MGST2: variants seen among roughly 807,000 people sequenced by gnomAD.
MGST2 encodes glutathione peroxidase MGST2.
MGST2 carries 9 observed loss-of-function variants against 16.6 expected under a neutral mutation model. The ratio of observed to expected loss-of-function variants is 0.54; its 90% CI spans 0.33 to 0.95. The LOEUF (loss-of-function observed/expected upper bound fraction) is 0.95, where lower values mean the gene tolerates loss of function less well. MGST2 is among the 40% of genes least tolerant of loss of function. The probability of loss-of-function intolerance (pLI) is 0.03; values close to 1 mark genes in which losing one functional copy is unlikely to be tolerated. For synonymous variants in MGST2, 79 were observed against 68.0 expected (o/e 1.16, Z -0.79); for missense variants, 159 against 175.1 (o/e 0.91, Z 0.52).
the MGST2 span, among the ~76,000 whole-genome samples, chr4:139,747,536 A>C: frequency 6.6e-6 from 1 of 152,028 alleles, no homozygotes; most frequent in African/African-American, 2.4e-5. Context: ...TCTACTAAAA[A>C]TACAAAAATT....
the MGST2 span, among the ~76,000 whole-genome samples, chr4:139,746,798 T>C: frequency 6.6e-6 from 1 of 152,210 alleles, no homozygotes; most frequent in Non-Finnish European, 1.5e-5. Flanking sequence ...CAAACTATGA[T>C]TATGTTTTCT....
At chr4:139,697,000 CAGTGTCCAAT>C (rs1726961980) in intron 3 of MGST2, among the ~76,000 whole-genome samples, 3 of 152,044 alleles carry the variant, frequency 2.0e-5, no homozygotes, top group Admixed American at 2.0e-4. Context: ...TGGTCAGGGA[CAGTGTCCAAT>C]ATCAAAAGAA....
chr4:139,751,955 G>A, the MGST2 span, among the ~76,000 whole-genome samples: 19 of 152,298 alleles, frequency 1.2e-4, no homozygotes, highest in African/African-American at 4.6e-4. Flanking sequence ...ATAAAAGGAA[G>A]CCTGTATTGC....
intron 5 of MGST2, among the ~76,000 whole-genome samples, chr4:139,739,671 G>A (rs57706147): frequency 0.41 from 58,317 of 141,858 alleles, 12,966 homozygotes; most frequent in Middle Eastern, 0.58. Flanking sequence ...AGGCAGGGGA[G>A]GAAAGCAGTT....
At chr4:139,734,994 G>A (rs2111004062) in intron 5 of MGST2, among the ~76,000 whole-genome samples, 1 of 152,352 alleles carries the variant, frequency 6.6e-6, no homozygotes, top group Non-Finnish European at 1.5e-5. Context: ...GTGTCAGCCC[G>A]GCCTCGTGCC....
rs1275541247 is a variant in MGST2, at chr4:139,735,652, ATGAAATTTAGGGTTTTAT to A, written c.*49-4554_*49-4537del. Among the ~76,000 whole-genome samples, 2 of 152,146 alleles carry A rather than the reference ATGAAATTTAGGGTTTTAT, an allele frequency of 1.3e-5. No individual in the cohort carries two copies. The highest frequency in any genetic ancestry group is 4.8e-5 in the African/African-American group (2 of 41,432). The stretch of plus-strand genomic sequence containing the variant: ...ATCGCTTGGCCTACGAACAACCTAA[ATGAAATTTAGGGTTTTAT>A]TGAAAAAGTCCCCTGGGGCCTAATT... On this transcript the variant is annotated intron_variant, in intron 5 of 5. Transcript: ENST00000616265. The surrounding 1 kb of genome is among the most constrained non-coding windows in gnomAD (Gnocchi z 5.8).
chr4:139,701,406 T>C (rs1234675139), intron 3 of MGST2, among the ~76,000 whole-genome samples: 1 of 152,122 alleles, frequency 6.6e-6, no homozygotes, highest in East Asian at 1.9e-4. Flanking sequence ...AGCTCTTTGC[T>C]TGGTCCGCTC....
At chr4:139,708,356 A>G (rs1474307148), downstream of MGST2, among the ~76,000 whole-genome samples, 2 of 152,224 alleles carry the variant, frequency 1.3e-5, no homozygotes, top group Non-Finnish European at 2.9e-5. Context: ...CAGGTTTATC[A>G]AAGATCAGAT....
At chr4:139,736,710 G>C (rs1350431639) in intron 5 of MGST2, among the ~76,000 whole-genome samples, 1 of 152,184 alleles carries the variant, frequency 6.6e-6, no homozygotes, top group Non-Finnish European at 1.5e-5. Flanking sequence ...CTGGGAGCTT[G>C]TTAGAAATGC....
rs544447946 is a variant in MGST2 at position 139,719,566 on chromosome 4, C to T, written c.*48+15370C>T. 421 of 1,613,690 alleles carry T rather than the reference C, an allele frequency of 2.6e-4. 3 individuals carry two copies. In the South Asian group the frequency reaches 4.4e-3, roughly 17 times the overall value. ...GTGCTGGGGGCTGGCTGAACGCTGGCATGCCTGGGACTCCCTGGCTCAGGC... is the reference window on the plus strand; with the variant it reads ...GTGCTGGGGGCTGGCTGAACGCTGGTATGCCTGGGACTCCCTGGCTCAGGC... On this transcript the variant is annotated intron_variant, in intron 5 of 5. Coordinates refer to the MGST2 transcript ENST00000616265.
chr4:139,751,413 G>T, the MGST2 span, among the ~76,000 whole-genome samples: 5 of 152,144 alleles, frequency 3.3e-5, no homozygotes, highest in African/African-American at 1.2e-4. Flanking sequence ...CATAATACAC[G>T]TTATACACAT....
downstream of MGST2, chr4:139,705,463 G>C (rs1727484959): frequency 6.6e-6 from 1 of 152,156 alleles, no homozygotes; most frequent in African/African-American, 2.4e-5. Context: ...AGCTTGTTCT[G>C]TGCAGACTCC....
intron 2 of MGST2, among the ~76,000 whole-genome samples, chr4:139,682,822 C>G (rs114651979): frequency 7.5e-4 from 110 of 147,592 alleles, no homozygotes; most frequent in African/African-American, 2.7e-3. Flanking sequence ...GGCGTGCTGA[C>G]ACATTGAAGG....
At chr4:139,707,641 A>T (rs1727571819), downstream of MGST2, among the ~76,000 whole-genome samples, 1 of 150,428 alleles carries the variant, frequency 6.6e-6, no homozygotes, top group Non-Finnish European at 1.5e-5. Context: ...ACTGACTTCC[A>T]CAATGGTTGA....
At chr4:139,754,391 TCACTCAA>T in the MGST2 span, among the ~76,000 whole-genome samples, 1 of 152,334 alleles carries the variant, frequency 6.6e-6, no homozygotes, top group South Asian at 2.1e-4. Flanking sequence ...AAAATGATAG[TCACTCAA>T]TGTATTTCCA....
chr4:139,668,104 G>T (rs1052709978), intron 1 of MGST2, among the ~76,000 whole-genome samples: 3 of 152,156 alleles, frequency 2.0e-5, no homozygotes, highest in Non-Finnish European at 4.4e-5. Flanking sequence ...AGTGGGGCAT[G>T]GGCTTCCAGG....
At chr4:139,706,843 A>T (rs1359470701), downstream of MGST2, among the ~76,000 whole-genome samples, 1 of 152,148 alleles carries the variant, frequency 6.6e-6, no homozygotes, top group Non-Finnish European at 1.5e-5. Context: ...TTCCTATTAG[A>T]TTTGGCTACA....
chr4:139,669,524 G>T (rs1730554318), intron 1 of MGST2, among the ~76,000 whole-genome samples: 1 of 152,180 alleles, frequency 6.6e-6, no homozygotes, highest in African/African-American at 2.4e-5. Flanking sequence ...TCCCACCATA[G>T]TTCCTGGCCC....
chr4:139,723,464 C>T (rs1321270642), intron 5 of MGST2, among the ~76,000 whole-genome samples: 2 of 152,178 alleles, frequency 1.3e-5, no homozygotes, highest in Non-Finnish European at 2.9e-5. Flanking sequence ...GCATGCGCCA[C>T]TATGCCTGGC....
Sources: allele counts gnomAD v4.1 joint callset (sites outside exome capture counted in the v4.1 genomes callset), GRCh38; gene constraint gnomAD v4.1.1; non-coding constraint Gnocchi (gnomAD v3.1); transcripts MANE v1.5; gene names NCBI Gene and HGNC (gene_info 2026-07-23, HGNC 2026-07-21).